The following UBE2Q2 variants were observed in gnomAD, a reference collection of about 807,000 sequenced individuals.
UBE2Q2 encodes ubiquitin-conjugating enzyme E2 Q2.
A neutral mutation model predicts 59.9 loss-of-function variants in UBE2Q2; 54 were observed. The ratio of observed to expected loss-of-function variants is 0.90; its 90% CI spans 0.72 to 1.13. The LOEUF is 1.13. UBE2Q2 is among the 50% of genes most tolerant of loss of function. The pLI is 0.00. For synonymous variants in UBE2Q2, 165 were observed against 155.2 expected (o/e 1.06, Z -0.47); for missense variants, 433 against 441.9 (o/e 0.98, Z 0.18).
chr15:75,876,669 A>G (rs997960710), intron 6 of UBE2Q2, among the ~76,000 whole-genome samples: 2 of 152,222 alleles, frequency 1.3e-5, no homozygotes, highest in African/African-American at 4.8e-5. Context: ...CAAGATAATC[A>G]GCTTTTATTG....
At chr15:75,883,330 C>A (rs770242412) in intron 8 of UBE2Q2, 36 bp from the exon 9 acceptor site, 49 of 1,568,866 alleles carry the variant, frequency 3.1e-5, no homozygotes, top group Non-Finnish European at 4.0e-5. Flanking sequence ...TAAGGATGTT[C>A]TTTAAATTAA....
At chr15:75,866,986 G>A (rs970927453) in intron 3 of UBE2Q2, among the ~76,000 whole-genome samples, 3 of 152,064 alleles carry the variant, frequency 2.0e-5, no homozygotes, top group Admixed American at 6.6e-5. Context: ...GTGATACCTG[G>A]TTATCTCCTC....
chr15:75,854,278 A>C, intron 1 of UBE2Q2, 108 bp from the exon 2 acceptor site: 1 of 730,744 alleles, frequency 1.4e-6, no homozygotes, highest in South Asian at 2.2e-5. Flanking sequence ...TTCCCCCCAT[A>C]CATTTTGTTT....
rs145178719 is a variant in UBE2Q2, at chr15:75,878,012, A to G, written c.725A>G (p.Lys242Arg). Residue 242 changes from lysine to arginine, a missense_variant, in exon 7 of 13, where the codon AAA becomes AGA. By Grantham distance (26) the Lys-to-Arg change is conservative (BLOSUM62 2). Transcript: ENST00000267938. ...INDSLYDWHV[K>R]LQKVDPDSPL... The stretch of plus-strand genomic sequence containing the variant: ...GACAGTTTATATGACTGGCATGTTA[A>G]ACTGCAGAAGTAAGTGGCTTTTTAA... The G allele has an allele frequency of 7.0e-4, 1,131 of 1,613,798 alleles. 10 individuals carry two copies. In the African/African-American group the frequency reaches 0.012, roughly 16 times the overall value.
At chr15:75,872,400 T>G (rs1204969088) in intron 4 of UBE2Q2, among the ~76,000 whole-genome samples, 1 of 151,842 alleles carries the variant, frequency 6.6e-6, no homozygotes, top group African/African-American at 2.4e-5. Flanking sequence ...ATAAGGTAAT[T>G]GCAAAAAGTT....
chr15:75,850,382 C>T (rs1335261330), intron 1 of UBE2Q2, among the ~76,000 whole-genome samples: 2 of 152,164 alleles, frequency 1.3e-5, no homozygotes, highest in African/African-American at 4.8e-5. Context: ...TTTCACTCAA[C>T]AATATTGTAG....
In UBE2Q2 at chr15:75,873,538, T is replaced by A; in HGVS notation, c.558T>A (p.Ile186=). The A allele has an allele frequency of 2.5e-6, 4 of 1,613,716 alleles. No homozygotes were observed. Among genetic ancestry groups the A allele is most frequent in the Non-Finnish European group, 3.4e-6 (4 of 1,179,870 alleles). The change falls in exon 5 of 13, where the codon ATT becomes ATA. Residue 186 remains isoleucine, a synonymous_variant. Coordinates refer to ENST00000267938, the MANE Select transcript of UBE2Q2 (RefSeq NM_173469.4). ...AAAATTTGGCAATATTAGAGAAAAT[T>A]AGGAAGACTCAAAGGCAAGACCATT... ...EKENLAILEK[I]RKTQRQDHLN... is the part of the protein sequence containing the mutation.
intron 1 of UBE2Q2, among the ~76,000 whole-genome samples, chr15:75,846,010 A>G (rs1345199337): frequency 1.3e-5 from 2 of 152,224 alleles, no homozygotes; most frequent in Non-Finnish European, 2.9e-5. Context: ...TCAGGAGATA[A>G]TTATCATGGC....
intron 9 of UBE2Q2, 139 bp from the exon 10 acceptor site, chr15:75,890,295 TC>T: frequency 1.6e-6 from 1 of 625,382 alleles, no homozygotes; most frequent in Non-Finnish European, 2.8e-6. Flanking sequence ...TAGTCCTGTA[TC>T]CCTAACAACT....
intron 9 of UBE2Q2, among the ~76,000 whole-genome samples, chr15:75,885,385 G>C (rs545624563): frequency 6.6e-6 from 1 of 152,194 alleles, no homozygotes; most frequent in South Asian, 2.1e-4. Context: ...CAAAGTGCTG[G>C]GATTACACGC....
rs376003226 is a variant in UBE2Q2 at position 75,877,755 on chromosome 15, A to AT, written c.674-205dup. ...AAGCAGTTTTTCAACTCATTAAAGA[A>AT]TCTTCTCAGTTGATGGCTGTAATTA... On this transcript the variant is annotated intron_variant, in intron 6 of 12. Transcript: ENST00000267938. Among the ~76,000 whole-genome samples the AT allele has an allele frequency of 6.3e-3, 955 of 152,316 alleles. 13 individuals carry two copies. Among genetic ancestry groups the AT allele is most frequent in the African/African-American group, 0.022 (909 of 41,560 alleles).
chr15:75,891,036 C>G, intron 11 of UBE2Q2, 22 bp downstream of exon 11: 1 of 1,552,850 alleles, frequency 6.4e-7, no homozygotes, highest in Non-Finnish European at 8.9e-7. Context: ...AAGAATTTTA[C>G]ATAAACCATA....
chr15:75,881,665 T>G (rs1440705637), intron 8 of UBE2Q2, among the ~76,000 whole-genome samples: 1 of 152,112 alleles, frequency 6.6e-6, no homozygotes, highest in Non-Finnish European at 1.5e-5. Flanking sequence ...GCCAGAACAG[T>G]ATATATTTAT....
At chr15:75,878,098 G>A in intron 7 of UBE2Q2, 77 bp downstream of exon 7, 3 of 1,266,664 alleles carry the variant, frequency 2.4e-6, no homozygotes, top group Non-Finnish European at 3.4e-6. Flanking sequence ...CTTCTAACTT[G>A]ATACCTTTAT....
At chr15:75,889,331 C>T (rs1898963731) in intron 9 of UBE2Q2, among the ~76,000 whole-genome samples, 1 of 152,156 alleles carries the variant, frequency 6.6e-6, no homozygotes, top group Non-Finnish European at 1.5e-5. Context: ...TGCTTGGATT[C>T]TCCAGGATGG....
Position 75,849,253 on chromosome 15 carries a change from C to T in UBE2Q2, c.181-5133C>T, listed in dbSNP as rs147557998. The stretch of plus-strand genomic sequence containing the variant: ...TCAATTTACTTCGTTCTCCACCCCA[C>T]ATTTATTGAACAGCAAACTATGAAA... On this transcript the variant is annotated intron_variant, in intron 1 of 12. Coordinates refer to ENST00000267938, the MANE Select transcript of UBE2Q2 (RefSeq NM_173469.4). Among the ~76,000 whole-genome samples the T allele has an allele frequency of 4.3e-3, 659 of 152,308 alleles. 13 individuals are homozygous for T. The highest frequency in any genetic ancestry group is 0.015 in the African/African-American group (620 of 41,572).
rs190089792 is a variant in UBE2Q2, at chr15:75,845,562, C to T, written c.180+1716C>T. ...GACTGAATTTGTAGGCTGTGGGGAG[C>T]TACTAAGTTTACTCAGGTAAGTTGG... On this transcript the variant is annotated intron_variant, in intron 1 of 12. Coordinates refer to ENST00000267938, the MANE Select transcript of UBE2Q2 (RefSeq NM_173469.4). Among the ~76,000 whole-genome samples, 367 of 152,182 alleles carry T rather than the reference C, an allele frequency of 2.4e-3. 2 individuals carry two copies. The highest frequency in any genetic ancestry group is 8.5e-3 in the African/African-American group (351 of 41,502).
chr15:75,863,113 A>C (rs1374279431), intron 3 of UBE2Q2, among the ~76,000 whole-genome samples: 1 of 152,138 alleles, frequency 6.6e-6, no homozygotes, highest in East Asian at 1.9e-4. Flanking sequence ...GGCTTTTGTT[A>C]ATCTGTTTAC....
At chr15:75,873,348 ATAATT>A in intron 4 of UBE2Q2, 75 bp from the exon 5 acceptor site, 2 of 1,389,326 alleles carry the variant, frequency 1.4e-6, no homozygotes, top group Non-Finnish European at 2.0e-6. Flanking sequence ...TGAGTCAAGA[ATAATT>A]TAATGTTATT....
Sources: allele counts gnomAD v4.1 joint callset (sites outside exome capture counted in the v4.1 genomes callset), GRCh38; gene constraint gnomAD v4.1.1; transcripts MANE v1.5; gene names NCBI Gene and HGNC (gene_info 2026-07-23, HGNC 2026-07-21).